PALM2AKAP2: variants seen among roughly 807,000 people sequenced by gnomAD.
PALM2AKAP2 encodes the protein PALM2 and AKAP2 fusion, also known as PALM2-AKAP2 fusion protein.
A neutral mutation model predicts 71.5 loss-of-function variants in PALM2AKAP2; 37 were observed. That is an observed-to-expected ratio of 0.52 (90% CI 0.40 to 0.68). The LOEUF is 0.68. PALM2AKAP2 is among the 30% of genes least tolerant of loss of function. The pLI, the probability that PALM2AKAP2 is intolerant of heterozygous loss-of-function variation, is 0.00. For synonymous variants in PALM2AKAP2, 468 were observed against 478.8 expected (o/e 0.98, Z 0.29); for missense variants, 1,224 against 1,191.8 (o/e 1.03, Z -0.40).
chr9:109,846,487 G>T (rs918192664), intron 1 of PALM2AKAP2, among the ~76,000 whole-genome samples: 3 of 152,194 alleles, frequency 2.0e-5, no homozygotes, highest in African/African-American at 4.8e-5. Flanking sequence ...TAGGATTCAG[G>T]TGTTAGAACG....
intron 1 of PALM2AKAP2, among the ~76,000 whole-genome samples, chr9:110,100,008 A>ATG (rs113608466): frequency 0.22 from 30,386 of 140,618 alleles, 4,693 homozygotes; most frequent in African/African-American, 0.42. Flanking sequence ...GCATATATAT[A>ATG]TGTGTGTGTG....
At chr9:109,997,307 G>A (rs767549914) in intron 6 of PALM2AKAP2, among the ~76,000 whole-genome samples, 3 of 152,250 alleles carry the variant, frequency 2.0e-5, no homozygotes, top group Middle Eastern at 3.4e-3. Flanking sequence ...TCTGCAGAGC[G>A]GGGATAATAT....
At chr9:110,135,164 A>AAAAAAAAAATATATATATATATATAT in intron 1 of PALM2AKAP2, among the ~76,000 whole-genome samples, 1 of 51,724 alleles carries the variant, frequency 1.9e-5, no homozygotes, top group Non-Finnish European at 3.8e-5. Context: ...AAAAAAAAAA[A>AAAAAAAAAATATATATATATATATAT]ATATATAAAT....
intron 6 of PALM2AKAP2, among the ~76,000 whole-genome samples, chr9:109,959,120 C>T (rs186272379): frequency 2.6e-5 from 4 of 152,254 alleles, no homozygotes; most frequent in East Asian, 3.9e-4. Flanking sequence ...TCCAAAGGAA[C>T]GTTGAGTTTG....
At chr9:109,808,159 A>C (rs1827630692) in intron 1 of PALM2AKAP2, among the ~76,000 whole-genome samples, 1 of 152,208 alleles carries the variant, frequency 6.6e-6, no homozygotes, top group Admixed American at 6.5e-5. Flanking sequence ...GAAAATGTGG[A>C]AGCAACTTTG....
At chr9:109,720,130 G>A (rs1250947320) in intron 1 of PALM2AKAP2, among the ~76,000 whole-genome samples, 3 of 151,820 alleles carry the variant, frequency 2.0e-5, no homozygotes, top group Non-Finnish European at 2.9e-5. Flanking sequence ...CTGAGCTTAC[G>A]GGCACATGCT....
chr9:110,044,680 T>A (rs7469046), upstream of PALM2AKAP2, among the ~76,000 whole-genome samples: 9 of 151,110 alleles, frequency 6.0e-5, no homozygotes, highest in East Asian at 1.9e-4. Context: ...TTTTTTTTTT[T>A]AAATTTTCAG....
At chr9:109,931,862 C>T (rs895906196) in intron 5 of PALM2AKAP2, 65 bp from the exon 6 acceptor site, 101 of 1,554,864 alleles carry the variant, frequency 6.5e-5, no homozygotes, top group African/African-American at 8.1e-5. Flanking sequence ...GCTGCTGTCT[C>T]GGCAGTGAAC....
At chr9:110,027,251 G>T (rs1170367055) in intron 7 of PALM2AKAP2, among the ~76,000 whole-genome samples, 1 of 152,112 alleles carries the variant, frequency 6.6e-6, no homozygotes, top group Non-Finnish European at 1.5e-5. Flanking sequence ...ACACCTGCTT[G>T]GCTGTGCATC....
At chr9:109,759,961 G>C (rs1254820977) in intron 1 of PALM2AKAP2, among the ~76,000 whole-genome samples, 1 of 152,078 alleles carries the variant, frequency 6.6e-6, no homozygotes, top group Non-Finnish European at 1.5e-5. Context: ...AACGTGTTTT[G>C]ACAAATGTAT....
At chr9:110,097,894 T>C in intron 1 of PALM2AKAP2, among the ~76,000 whole-genome samples, 1 of 140,440 alleles carries the variant, frequency 7.1e-6, no homozygotes, top group Non-Finnish European at 1.5e-5. Context: ...TGAAGGAGAC[T>C]CCGTCTGCAA....
intron 1 of PALM2AKAP2, among the ~76,000 whole-genome samples, chr9:109,840,148 G>C (rs1000089341): frequency 2.6e-5 from 4 of 152,152 alleles, no homozygotes; most frequent in Non-Finnish European, 5.9e-5. Context: ...AACAGCAATG[G>C]TACTGGTACC....
chr9:110,023,305 CTTTTTTTTTTT>C (rs149672913), intron 7 of PALM2AKAP2, among the ~76,000 whole-genome samples: 15 of 74,040 alleles, frequency 2.0e-4, no homozygotes, highest in African/African-American at 7.4e-4. Flanking sequence ...ATTGTGGTTT[CTTTTTTTTTTT>C]TTTTTTTTTT....
intron 1 of PALM2AKAP2, among the ~76,000 whole-genome samples, chr9:109,754,192 T>C (rs1212239727): frequency 6.6e-6 from 1 of 152,168 alleles, no homozygotes; most frequent in Non-Finnish European, 1.5e-5. Context: ...CCAAGGTAGC[T>C]TGGACTCTTA....
intron 1 of PALM2AKAP2, among the ~76,000 whole-genome samples, chr9:109,815,004 G>A (rs963163962): frequency 6.6e-6 from 1 of 152,164 alleles, no homozygotes; most frequent in African/African-American, 2.4e-5. Flanking sequence ...AATTGGGAGG[G>A]ATGGGGAGTG....
chr9:109,999,502 G>C (rs1257892440), intron 6 of PALM2AKAP2, among the ~76,000 whole-genome samples: 2 of 152,140 alleles, frequency 1.3e-5, no homozygotes, highest in Non-Finnish European at 2.9e-5. Context: ...GGGACCATCT[G>C]TTCCCAGTGC....
intron 1 of PALM2AKAP2, among the ~76,000 whole-genome samples, chr9:109,763,252 C>T (rs1829088411): frequency 6.6e-6 from 1 of 152,146 alleles, no homozygotes; most frequent in Non-Finnish European, 1.5e-5. Flanking sequence ...TGGCCTCCTC[C>T]TGCCCACCAT....
intron 4 of PALM2AKAP2, 27 bp downstream of exon 4, chr9:109,923,876 A>C: frequency 6.5e-7 from 1 of 1,545,654 alleles, no homozygotes; most frequent in Non-Finnish European, 8.7e-7. Context: ...CGATTTCTCA[A>C]AGTTATTTCC....
chr9:109,744,451 A>G (rs895637121), intron 1 of PALM2AKAP2, among the ~76,000 whole-genome samples: 2 of 152,192 alleles, frequency 1.3e-5, no homozygotes, highest in Non-Finnish European at 2.9e-5. Context: ...ATCTAGCTGC[A>G]TGGCGTGGGC....
Sources: allele counts gnomAD v4.1 joint callset (sites outside exome capture counted in the v4.1 genomes callset), GRCh38; gene constraint gnomAD v4.1.1; transcripts MANE v1.5; gene names NCBI Gene and HGNC (gene_info 2026-07-23, HGNC 2026-07-21).